PPP1R9A: variants seen among roughly 807,000 people sequenced by gnomAD.
PPP1R9A encodes protein phosphatase 1 regulatory subunit 9A.
A neutral mutation model predicts 141.9 loss-of-function variants in PPP1R9A; 59 were observed. That is an observed-to-expected ratio of 0.42 (90% CI 0.34 to 0.52). The LOEUF (loss-of-function observed/expected upper bound fraction) is 0.52. Ranked by LOEUF, PPP1R9A falls within the 20% of genes least tolerant of loss-of-function variation. The pLI is 0.10. For missense variants in PPP1R9A, 1,444 were observed against 1,611.9 expected (o/e 0.90, Z 1.78); for synonymous variants, 500 against 569.7 (o/e 0.88, Z 1.74).
intron 18 of PPP1R9A, among the ~76,000 whole-genome samples, chr7:95,286,671 C>G (rs1585646414): frequency 6.6e-6 from 1 of 152,110 alleles, no homozygotes; most frequent in Non-Finnish European, 1.5e-5. Context: ...CAACCACACT[C>G]ACTCCAAGAT....
intron 8 of PPP1R9A, among the ~76,000 whole-genome samples, chr7:95,232,529 A>G (rs1247908994): frequency 6.6e-6 from 1 of 152,200 alleles, no homozygotes; most frequent in African/African-American, 2.4e-5. Context: ...AATGGGATCT[A>G]ACTAATCTAA....
At chr7:95,268,782 G>A (rs1187336247) in intron 13 of PPP1R9A, 75 bp downstream of exon 13, 14 of 1,530,718 alleles carry the variant, frequency 9.1e-6, no homozygotes, top group Middle Eastern at 1.8e-4. Context: ...TGAAGATTAT[G>A]ATTTTTCTGC....
Position 95,284,038 on chromosome 7 carries a change from A to C in PPP1R9A, c.3317A>C (p.Glu1106Ala). Residue 1106 changes from glutamate (E) to alanine (A), a missense_variant, in exon 17 of 20, where the codon GAA becomes GCA. Physicochemically the swap from Glu to Ala is moderately radical, Grantham distance 107. Coordinates refer to ENST00000433360, the MANE Select transcript of PPP1R9A (RefSeq NM_001166160.2). ...AACAGGATCTTCAGAGGCAGACTGG[A>C]AAACTGGACACCCAAGCCATGTTCA... is the stretch of plus-strand genomic sequence containing the variant. ...AGSRIFRGRL[E>A]NWTPKPCSTA... is the part of the protein sequence containing the mutation. The C allele has an allele frequency of 6.3e-7, 1 of 1,595,616 alleles. No individual in the cohort carries two copies. Among genetic ancestry groups the C allele is most frequent in the Non-Finnish European group, 8.5e-7 (1 of 1,177,582 alleles).
At chr7:95,008,745 C>T (rs1803976070) in intron 2 of PPP1R9A, among the ~76,000 whole-genome samples, 1 of 152,116 alleles carries the variant, frequency 6.6e-6, no homozygotes, top group Non-Finnish European at 1.5e-5. Context: ...TTGGTGAGAA[C>T]TTGGTATCAT....
chr7:94,913,716 A>C (rs757366055), intron 2 of PPP1R9A, among the ~76,000 whole-genome samples: 52 of 152,294 alleles, frequency 3.4e-4, no homozygotes, highest in Non-Finnish European at 3.8e-4. Flanking sequence ...TTCTCCAATT[A>C]AGATTTTTTT....
chr7:95,260,595 C>T (rs1370622446), intron 12 of PPP1R9A, among the ~76,000 whole-genome samples: 1 of 151,754 alleles, frequency 6.6e-6, no homozygotes, highest in Non-Finnish European at 1.5e-5. Flanking sequence ...GGGAGAATCA[C>T]CTGAACCCGG....
At position 95,015,227 on chromosome 7, in the gene PPP1R9A, T is replaced by TATATATATAC. The variant is rs774273958; in HGVS notation, c.1396-96031_1396-96030insTATATATACA. ...ATATGTACACACACGAATATATATA[T>TATATATATAC]ACACACACACACACACACACATACA... On this transcript the variant is annotated intron_variant, in intron 2 of 19. Coordinates refer to ENST00000433360, the MANE Select transcript of PPP1R9A (RefSeq NM_001166160.2). Among the ~76,000 whole-genome samples the TATATATATAC allele has an allele frequency of 3.1e-3, 462 of 149,086 alleles. 3 individuals are homozygous for TATATATATAC. The highest frequency in any genetic ancestry group is 7.9e-3 in the African/African-American group (325 of 40,926).
intron 18 of PPP1R9A, 118 bp from the exon 19 acceptor site, chr7:95,288,418 C>A (rs1024187478): frequency 2.9e-5 from 40 of 1,385,426 alleles, no homozygotes; most frequent in Non-Finnish European, 3.7e-5. Flanking sequence ...ATTAGCTTAT[C>A]ATATTTTGGT....
intron 7 of PPP1R9A, among the ~76,000 whole-genome samples, chr7:95,205,845 A>G (rs1790677947): frequency 6.6e-6 from 1 of 152,128 alleles, no homozygotes. Flanking sequence ...AATCTCTTCA[A>G]TGACAGGTTT....
rs190360092 is a variant in PPP1R9A at position 95,084,738 on chromosome 7, C to G, written c.1396-26521C>G. Among the ~76,000 whole-genome samples, 18 of 152,008 alleles carry G rather than the reference C, an allele frequency of 1.2e-4. 1 individual carries two copies. Among genetic ancestry groups the G allele is most frequent in the African/African-American group, 4.4e-4 (18 of 41,356 alleles). The stretch of plus-strand genomic sequence containing the variant: ...GATGTGTCTTTATTGATACATGAGC[C>G]ATAGCCCACTTAGTTGTAATCTATA... On this transcript the variant is annotated intron_variant, in intron 2 of 19. Transcript: ENST00000433360.
In PPP1R9A at chr7:94,921,768, C is replaced by T. The variant is rs141429018; in HGVS notation, c.1395+10260C>T. On this transcript the variant is annotated intron_variant, in intron 2 of 19. Transcript: ENST00000433360. ...AAATACAGTAATTTAAATTATACAC[C>T]AGGTGTTATATAATATTCTATGTCC... 6.5e-3 allele frequency among the ~76,000 whole-genome samples: 981 copies of T among 151,830 alleles called. 12 individuals carry two copies. The highest frequency in any genetic ancestry group is 0.023 in the African/African-American group (936 of 41,446).
chr7:94,990,415 T>C (rs1341140151), intron 2 of PPP1R9A, among the ~76,000 whole-genome samples: 7 of 152,166 alleles, frequency 4.6e-5, no homozygotes, highest in Non-Finnish European at 8.8e-5. Context: ...TTGTTCACCA[T>C]TTCTCTCTCA....
intron 2 of PPP1R9A, among the ~76,000 whole-genome samples, chr7:94,935,639 C>T (rs981778862): frequency 7.9e-5 from 12 of 152,076 alleles, no homozygotes; most frequent in Admixed American, 2.0e-4. Flanking sequence ...TTTTGAATTG[C>T]GTTTCATAAG....
In PPP1R9A at chr7:94,926,275, C is replaced by T. The variant is rs1047100609; in HGVS notation, c.1395+14767C>T. On this transcript the variant is annotated intron_variant, in intron 2 of 19. Transcript: ENST00000433360. ...TTGCTGAAGCTGTTGTGCTCTCTTT[C>T]GTTTGGGAAATCTCAATCTATTGCC... Among the ~76,000 whole-genome samples the T allele has an allele frequency of 4.6e-5, 7 of 152,228 alleles. No homozygotes were observed. In the South Asian group the frequency reaches 6.2e-4, roughly 14 times the overall value.
At chr7:94,918,601 T>TC (rs1411152239) in intron 2 of PPP1R9A, among the ~76,000 whole-genome samples, 1 of 152,156 alleles carries the variant, frequency 6.6e-6, no homozygotes, top group Non-Finnish European at 1.5e-5. Flanking sequence ...TAGAACTTTT[T>TC]CATCATCCTA....
At chr7:95,096,259 T>C (rs1818002526) in intron 2 of PPP1R9A, among the ~76,000 whole-genome samples, 1 of 152,168 alleles carries the variant, frequency 6.6e-6, no homozygotes, top group Non-Finnish European at 1.5e-5. Flanking sequence ...TTGCTGTCAT[T>C]CTCCCTCATG....
chr7:95,101,118 C>T (rs1427850172), intron 2 of PPP1R9A, among the ~76,000 whole-genome samples: 1 of 152,068 alleles, frequency 6.6e-6, no homozygotes, highest in African/African-American at 2.4e-5. Context: ...TCCCAAAGTG[C>T]TGGGATTACA....
At chr7:95,276,633 G>A (rs1351815563) in intron 16 of PPP1R9A, among the ~76,000 whole-genome samples, 1 of 152,192 alleles carries the variant, frequency 6.6e-6, no homozygotes, top group Non-Finnish European at 1.5e-5. Flanking sequence ...ACAGGCATGT[G>A]TGAGATGGCC....
Position 95,161,847 on chromosome 7 carries a change from AT to A in PPP1R9A, c.1650-14del. On this transcript the variant is annotated intron_variant, in intron 4 of 19. Transcript: ENST00000433360. The stretch of plus-strand genomic sequence containing the variant: ...ATTTTTTATGTAATTTATGTGGGTA[AT>A]TTTTTCCTCTTTCTAAAGAATACAA... The A allele has an allele frequency of 1.3e-6, 2 of 1,526,022 alleles. No individual in the cohort carries two copies. Among genetic ancestry groups the A allele is most frequent in the Middle Eastern group, 1.7e-4 (1 of 5,800 alleles). 94.5% of individuals were successfully genotyped at this position (1,526,022 alleles called of 1,614,324 possible).
Sources: allele counts gnomAD v4.1 joint callset (sites outside exome capture counted in the v4.1 genomes callset), GRCh38; gene constraint gnomAD v4.1.1; transcripts MANE v1.5; gene names NCBI Gene and HGNC (gene_info 2026-07-23, HGNC 2026-07-21).